Variants in PCDH9 observed in about 807,000 individuals in gnomAD.
The protein encoded by PCDH9 is protocadherin-9.
PCDH9 carries 24 observed loss-of-function variants against 70.6 expected under a neutral mutation model. The observed-to-expected ratio is 0.34, with a 90% CI of 0.25 to 0.48. PCDH9 has a LOEUF of 0.48. Among genes scored for constraint, PCDH9 ranks in the 20% least tolerant of loss-of-function variants. The pLI is 0.99. For missense variants in PCDH9, 1,281 were observed against 1,503.6 expected (o/e 0.85, Z 2.45); for synonymous variants, 562 against 558.5 (o/e 1.01, Z -0.09).
intron 4 of PCDH9, among the ~76,000 whole-genome samples, chr13:66,387,944 G>C (rs1956957528): frequency 6.6e-6 from 1 of 152,122 alleles, no homozygotes; most frequent in Non-Finnish European, 1.5e-5. Context: ...AAATTAAATA[G>C]ATTTAGATAG....
At chr13:66,509,709 T>A (rs1409922615) in intron 4 of PCDH9, among the ~76,000 whole-genome samples, 1 of 152,122 alleles carries the variant, frequency 6.6e-6, no homozygotes, top group African/African-American at 2.4e-5. Context: ...TAGCTTGGCC[T>A]CCCAAAGCGC....
chr13:66,398,001 A>G (rs905863481), intron 4 of PCDH9, among the ~76,000 whole-genome samples: 1 of 152,092 alleles, frequency 6.6e-6, no homozygotes, highest in Non-Finnish European at 1.5e-5. Flanking sequence ...ATGTAATCCT[A>G]GTTAATTCAG....
intron 3 of PCDH9, among the ~76,000 whole-genome samples, chr13:66,730,886 TGTTTGTTTC>T (rs778571636): frequency 9.3e-5 from 8 of 85,752 alleles, no homozygotes; most frequent in South Asian, 4.0e-4. Flanking sequence ...GTTTTTTTTT[TGTTTGTTTC>T]TTTTTTTTTG....
intron 2 of PCDH9, among the ~76,000 whole-genome samples, chr13:67,004,906 CA>C (rs1566357035): frequency 6.6e-6 from 1 of 152,106 alleles, no homozygotes; most frequent in East Asian, 1.9e-4. Flanking sequence ...ATTGTCCAAG[CA>C]ATCTTTAAAT....
At chr13:66,954,024 T>G (rs550017912) in intron 2 of PCDH9, among the ~76,000 whole-genome samples, 2 of 152,268 alleles carry the variant, frequency 1.3e-5, no homozygotes, top group Admixed American at 1.3e-4. Context: ...GTAGCTAAAT[T>G]TATCCAGCGC....
At chr13:66,662,556 A>G (rs2078026301) in intron 3 of PCDH9, among the ~76,000 whole-genome samples, 1 of 152,156 alleles carries the variant, frequency 6.6e-6, no homozygotes, top group Non-Finnish European at 1.5e-5. Context: ...AACATGAACA[A>G]TTCCTCTGAT....
chr13:66,874,091 C>G (rs181822613), intron 3 of PCDH9, among the ~76,000 whole-genome samples: 1 of 152,024 alleles, frequency 6.6e-6, no homozygotes, highest in East Asian at 1.9e-4. Flanking sequence ...CAGGTGTGTG[C>G]CACCATGTCC....
At chr13:66,676,467 C>A (rs773826039) in intron 3 of PCDH9, among the ~76,000 whole-genome samples, 3 of 151,890 alleles carry the variant, frequency 2.0e-5, no homozygotes, top group Non-Finnish European at 4.4e-5. Flanking sequence ...TTAAATACAC[C>A]TAACCAATAA....
chr13:66,852,625 G>A (rs931876020), intron 3 of PCDH9, among the ~76,000 whole-genome samples: 2 of 152,092 alleles, frequency 1.3e-5, no homozygotes, highest in Non-Finnish European at 2.9e-5. Context: ...TTCCTAATAA[G>A]GTGATCAGAT....
intron 2 of PCDH9, among the ~76,000 whole-genome samples, chr13:67,006,851 A>C (rs938386018): frequency 6.6e-6 from 1 of 152,162 alleles, no homozygotes; most frequent in African/African-American, 2.4e-5. Flanking sequence ...ACTTCATTAC[A>C]ATTTCATAAC....
intron 3 of PCDH9, among the ~76,000 whole-genome samples, chr13:66,744,318 A>G (rs2079322914): frequency 6.6e-6 from 1 of 152,226 alleles, no homozygotes; most frequent in Admixed American, 6.5e-5. Flanking sequence ...ATGAAAAAGA[A>G]TAAACCATCT....
rs540505474 is a variant in PCDH9, at chr13:66,875,744, G to T, written c.3138+27760C>A. 4.6e-5 allele frequency among the ~76,000 whole-genome samples: 7 copies of T among 152,226 alleles called. No homozygotes were observed. In the East Asian group the frequency reaches 1.4e-3, roughly 29 times the overall value. On this transcript the variant is annotated intron_variant, in intron 3 of 4. Transcript: ENST00000377865. Reference sequence around the variant, plus strand: ...TTCTCTAGTTTATTTATAGTTTACTGCTAACAATTTACAGTTGTTTACAAA... The same window carrying T: ...TTCTCTAGTTTATTTATAGTTTACTTCTAACAATTTACAGTTGTTTACAAA...
intron 4 of PCDH9, among the ~76,000 whole-genome samples, chr13:66,505,329 G>A (rs565522963): frequency 6.6e-6 from 1 of 152,178 alleles, no homozygotes; most frequent in Non-Finnish European, 1.5e-5. Flanking sequence ...GAAGGTGAAT[G>A]AGAGTAAAGT....
chr13:66,867,607 TA>T (rs1408049174), intron 3 of PCDH9, among the ~76,000 whole-genome samples: 1 of 152,140 alleles, frequency 6.6e-6, no homozygotes, highest in Non-Finnish European at 1.5e-5. Flanking sequence ...AATAATTTAT[TA>T]ACCCATGCTA....
At chr13:66,880,274 T>C (rs1209162366) in intron 3 of PCDH9, 4 of 152,180 alleles carry the variant, frequency 2.6e-5, no homozygotes, top group Admixed American at 6.5e-5. Flanking sequence ...TTGATATCCA[T>C]GAGACACTAA....
chr13:66,662,501 A>G (rs1306792842), intron 3 of PCDH9, among the ~76,000 whole-genome samples: 1 of 152,112 alleles, frequency 6.6e-6, no homozygotes, highest in Non-Finnish European at 1.5e-5. Flanking sequence ...CACATAAATG[A>G]TTCAAAATCA....
chr13:66,745,949 G>A (rs1047408030), intron 3 of PCDH9, among the ~76,000 whole-genome samples: 6 of 151,954 alleles, frequency 3.9e-5, no homozygotes, highest in African/African-American at 9.7e-5. Flanking sequence ...GCTCCCTATC[G>A]CCACCTGTTT....
At chr13:66,489,472 A>C (rs1450446122) in intron 4 of PCDH9, among the ~76,000 whole-genome samples, 1 of 152,052 alleles carries the variant, frequency 6.6e-6, no homozygotes, top group Non-Finnish European at 1.5e-5. Context: ...CACCACACCC[A>C]GCAAATTTTT....
chr13:67,077,463 G>C lies in PCDH9; in HGVS notation c.3036+147942C>G, dbSNP rs575882552. Among the ~76,000 whole-genome samples, 4 of 152,006 alleles carry C rather than the reference G, an allele frequency of 2.6e-5. 1 individual carries two copies. Among genetic ancestry groups the C allele is most frequent in the South Asian group, 4.2e-4 (2 of 4,818 alleles). On this transcript the variant is annotated intron_variant, in intron 2 of 4. Coordinates refer to ENST00000377865, the MANE Select transcript of PCDH9 (RefSeq NM_203487.3). Reference sequence around the variant, plus strand: ...TCTTCTCACCTCCCTGGCATTCCTTGTTCCTCTACACCCTCCACTTTCTTT... The same window carrying C: ...TCTTCTCACCTCCCTGGCATTCCTTCTTCCTCTACACCCTCCACTTTCTTT...
Sources: allele counts gnomAD v4.1 joint callset (sites outside exome capture counted in the v4.1 genomes callset), GRCh38; gene constraint gnomAD v4.1.1; transcripts MANE v1.5; gene names NCBI Gene and HGNC (gene_info 2026-07-23, HGNC 2026-07-21).